Variants in HIVEP3 observed in about 807,000 individuals in gnomAD.
The protein encoded by HIVEP3 is transcription factor HIVEP3.
Under a neutral mutation model 152.8 loss-of-function variants are expected in HIVEP3, and 49 were observed. That is an observed-to-expected ratio of 0.32 (90% CI 0.26 to 0.41). The LOEUF is 0.41. Ranked by LOEUF, HIVEP3 falls within the 10% of genes least tolerant of loss-of-function variation. HIVEP3 has a pLI of 1.00. For missense variants in HIVEP3, 2,790 were observed against 3,103.3 expected, an observed-to-expected ratio of 0.90 and a Z score of 2.40; for synonymous variants, 1,269 against 1,289.0, an observed-to-expected ratio of 0.98 and a Z score of 0.33.
At chr1:41,610,266 GC>G (rs755578598) in intron 3 of HIVEP3, among the ~76,000 whole-genome samples, 2 of 152,096 alleles carry the variant, frequency 1.3e-5, no homozygotes, top group African/African-American at 4.8e-5. Flanking sequence ...GCTTTCTATG[GC>G]CCCCTTACAC....
chr1:41,798,853 G>A (rs1470627296), intron 1 of HIVEP3, among the ~76,000 whole-genome samples: 1 of 152,156 alleles, frequency 6.6e-6, no homozygotes, highest in East Asian at 1.9e-4. Flanking sequence ...CCCTGCTTCT[G>A]ATGGGGCTCC....
At position 41,575,663 on chromosome 1, in the gene HIVEP3, C is replaced by T. The variant is rs144047982; in HGVS notation, c.5088G>A (p.Pro1696=). The T allele has an allele frequency of 4.0e-5, 64 of 1,614,102 alleles. No individual in the cohort carries two copies. Among genetic ancestry groups the T allele is most frequent in the African/African-American group, 1.1e-4 (8 of 75,032 alleles). ...CTCTAGCTAGATCTTTCTGGCCTTC[C>T]GGGGAAACCAGTGAAGGGAGGTGAA... ...TEVHLPSLVS[P]EGQKDLARVE... Residue 1696 remains proline (P), a synonymous_variant, in exon 5 of 9, where the codon CCG becomes CCA. Coordinates refer to ENST00000372583, the MANE Select transcript of HIVEP3 (RefSeq NM_024503.5).
At chr1:41,545,084 CTCT>C (rs1332271564) in intron 5 of HIVEP3, among the ~76,000 whole-genome samples, 2 of 131,540 alleles carry the variant, frequency 1.5e-5, no homozygotes, top group African/African-American at 2.9e-5. Flanking sequence ...ACATCACCAC[CTCT>C]ACCATCGCTA....
chr1:41,980,686 A>G (rs1262821798), intron 1 of HIVEP3, among the ~76,000 whole-genome samples: 1 of 152,192 alleles, frequency 6.6e-6, no homozygotes, highest in Non-Finnish European at 1.5e-5. Context: ...TATGGTGTCA[A>G]ATTATACTTC....
chr1:41,783,614 G>C (rs1253154867), intron 1 of HIVEP3, among the ~76,000 whole-genome samples: 1 of 152,054 alleles, frequency 6.6e-6, no homozygotes, highest in Non-Finnish European at 1.5e-5. Context: ...CACACACACA[G>C]AGACACACAC....
intron 2 of HIVEP3, among the ~76,000 whole-genome samples, chr1:41,691,723 T>C (rs951080206): frequency 7.2e-5 from 11 of 152,244 alleles, no homozygotes; most frequent in African/African-American, 2.2e-4. Context: ...TATTTTGTTA[T>C]AGCAGCCTGA....
At chr1:41,636,179 G>A (rs1645270548) in intron 2 of HIVEP3, among the ~76,000 whole-genome samples, 1 of 152,208 alleles carries the variant, frequency 6.6e-6, no homozygotes, top group East Asian at 1.9e-4. Context: ...AAACAAATCC[G>A]CAGGTAAAAC....
chr1:41,532,465 T>C (rs1272573709), intron 5 of HIVEP3, among the ~76,000 whole-genome samples: 1 of 152,116 alleles, frequency 6.6e-6, no homozygotes, highest in Non-Finnish European at 1.5e-5. Context: ...TTGAACACCA[T>C]GCTAAGTTTG....
chr1:41,802,039 C>T (rs964775974), intron 1 of HIVEP3, among the ~76,000 whole-genome samples: 11 of 152,130 alleles, frequency 7.2e-5, no homozygotes, highest in East Asian at 1.9e-4. Flanking sequence ...AATGCCATGG[C>T]GGCTGGGCCT....
rs11349352 is a variant in HIVEP3, at chr1:41,548,541, G to GT, written c.5208-23632dup. On this transcript the variant is annotated intron_variant, in intron 5 of 8. Coordinates refer to ENST00000372583, the MANE Select transcript of HIVEP3 (RefSeq NM_024503.5). The stretch of plus-strand genomic sequence containing the variant: ...GTACCACTTGAACCATTTTGGGTTT[G>GT]TTTTTTTTTTTGAGACCGAGTTTTG... Among the ~76,000 whole-genome samples the GT allele has an allele frequency of 1.0e-2, 1,477 of 148,342 alleles. 23 individuals carry two copies. The highest frequency in any genetic ancestry group is 0.034 in the African/African-American group (1,359 of 40,530).
At chr1:42,021,011 C>T (rs61773875) in intron 1 of HIVEP3, among the ~76,000 whole-genome samples, 1,675 of 152,174 alleles carry the variant, frequency 0.011, 26 homozygotes, top group Admixed American at 0.039. Context: ...GAAATCTAGG[C>T]AGAAGTCAGA....
intron 1 of HIVEP3, among the ~76,000 whole-genome samples, chr1:41,733,570 C>T: frequency 6.6e-6 from 1 of 152,232 alleles, no homozygotes; most frequent in East Asian, 1.9e-4. Flanking sequence ...GAAGCCAGAG[C>T]TCCCATCTCC....
At chr1:41,613,199 A>G (rs1175837400) in intron 3 of HIVEP3, among the ~76,000 whole-genome samples, 1 of 152,268 alleles carries the variant, frequency 6.6e-6, no homozygotes, top group Non-Finnish European at 1.5e-5. Flanking sequence ...TGGGTTTCCC[A>G]ATAGGCTTTG....
chr1:41,826,146 G>C (rs1642796506), intron 1 of HIVEP3, among the ~76,000 whole-genome samples: 1 of 152,166 alleles, frequency 6.6e-6, no homozygotes, highest in South Asian at 2.1e-4. Context: ...GGGCCACCCT[G>C]CTTCTTTTCC....
chr1:41,932,965 T>G (rs1316140994), intron 1 of HIVEP3, among the ~76,000 whole-genome samples: 1 of 151,984 alleles, frequency 6.6e-6, no homozygotes, highest in Non-Finnish European at 1.5e-5. Context: ...TTCATCTCCA[T>G]ACATTTGAAG....
chr1:41,837,012 C>T (rs1295308028), intron 1 of HIVEP3, among the ~76,000 whole-genome samples: 1 of 152,194 alleles, frequency 6.6e-6, no homozygotes, highest in African/African-American at 2.4e-5. Context: ...CAATCCTTAC[C>T]AAAGCCTACA....
chr1:41,631,719 C>T (rs184901097), intron 2 of HIVEP3, among the ~76,000 whole-genome samples: 1 of 152,104 alleles, frequency 6.6e-6, no homozygotes, highest in Non-Finnish European at 1.5e-5. Flanking sequence ...TCAATCAGTT[C>T]CTGATTCTGC....
At chr1:41,912,955 C>T (rs755510573) in intron 1 of HIVEP3, among the ~76,000 whole-genome samples, 1 of 152,188 alleles carries the variant, frequency 6.6e-6, no homozygotes, top group Non-Finnish European at 1.5e-5. Flanking sequence ...CCCCTAATAG[C>T]CACACCACAT....
At chr1:41,893,548 T>C (rs1031465790) in intron 1 of HIVEP3, among the ~76,000 whole-genome samples, 2 of 152,000 alleles carry the variant, frequency 1.3e-5, no homozygotes, top group African/African-American at 4.8e-5. Context: ...CAACAAGGAA[T>C]CATCTGGCCC....
Sources: gnomAD v4.1 joint callset for allele counts (sites outside exome capture counted in the v4.1 genomes callset) on GRCh38, gnomAD v4.1.1 for gene constraint, MANE v1.5 for transcripts, NCBI Gene and HGNC (gene_info 2026-07-23, HGNC 2026-07-21) for gene names.